CNTN6: variants seen among roughly 807,000 people sequenced by gnomAD.
CNTN6 encodes contactin-6.
In CNTN6, 137 loss-of-function variants were observed where a neutral mutation model predicts 122.8. The ratio of observed to expected loss-of-function variants is 1.12; its 90% CI spans 0.97 to 1.29. The LOEUF (loss-of-function observed/expected upper bound fraction) is 1.29. Among genes scored for constraint, CNTN6 ranks in the 50% most tolerant of loss-of-function variants. The pLI is 0.00. For synonymous variants in CNTN6, 570 were observed against 426.0 expected (o/e 1.34, Z -4.16); for missense variants, 1,634 against 1,223.4 (o/e 1.34, Z -5.01).
intron 7 of CNTN6, among the ~76,000 whole-genome samples, chr3:1,312,469 C>T: frequency 6.6e-6 from 1 of 151,948 alleles, no homozygotes; most frequent in East Asian, 1.9e-4. Context: ...TAAGTTGGAA[C>T]TGGGCTCAGG....
chr3:1,372,364 C>G lies in CNTN6; in HGVS notation c.1558C>G (p.Pro520Ala). 1 of 1,613,406 alleles carries G rather than the reference C, an allele frequency of 6.2e-7. No homozygotes were observed. The change falls in exon 13 of 23, where the codon CCA (proline) becomes GCA (alanine). Residue 520 changes from proline to alanine, a missense_variant. By Grantham distance (27) the Pro-to-Ala change is conservative (BLOSUM62 -1). Coordinates refer to ENST00000446702, the MANE Select transcript of CNTN6 (RefSeq NM_001289080.2). ...TACAGTTGGCGAGAGTATAGTGCTA[C>G]CATGCCAGGTGTCCCATGACCCCTC... The part of the protein sequence containing the change: ...DVTVGESIVL[P>A]CQVSHDPSIE...
At chr3:1,255,775 C>G (rs1304176701) in intron 4 of CNTN6, among the ~76,000 whole-genome samples, 1 of 152,106 alleles carries the variant, frequency 6.6e-6, no homozygotes, top group Non-Finnish European at 1.5e-5. Context: ...TGGGCTCAAG[C>G]AATCGTTTTG....
chr3:1,257,687 T>A (rs1575449734), intron 4 of CNTN6, among the ~76,000 whole-genome samples: 1 of 152,102 alleles, frequency 6.6e-6, no homozygotes, highest in South Asian at 2.1e-4. Context: ...TCCCAATTAC[T>A]CTAAATAATT....
intron 2 of CNTN6, among the ~76,000 whole-genome samples, chr3:1,172,710 G>A (rs187446465): frequency 5.9e-5 from 9 of 151,760 alleles, no homozygotes; most frequent in South Asian, 2.1e-4. Flanking sequence ...ACCAAAATCC[G>A]GAATGAACTA....
intron 21 of CNTN6, 140 bp downstream of exon 21, chr3:1,401,685 GCTTT>G: frequency 3.3e-6 from 2 of 609,656 alleles, no homozygotes; most frequent in South Asian, 2.1e-5. Context: ...TACCATTGCT[GCTTT>G]CTAATTTTCC....
At chr3:1,132,228 A>T (rs1283844076) in intron 1 of CNTN6, among the ~76,000 whole-genome samples, 1 of 152,008 alleles carries the variant, frequency 6.6e-6, no homozygotes, top group African/African-American at 2.4e-5. Context: ...TACTTTTTCA[A>T]ACTCATGTCT....
intron 4 of CNTN6, among the ~76,000 whole-genome samples, chr3:1,258,660 C>T (rs1252524929): frequency 6.6e-6 from 1 of 152,040 alleles, no homozygotes; most frequent in Non-Finnish European, 1.5e-5. Flanking sequence ...TCAACTTTTT[C>T]AACTTTTTCT....
intron 1 of CNTN6, among the ~76,000 whole-genome samples, chr3:1,114,386 TG>T (rs780596946): frequency 5.3e-5 from 8 of 152,196 alleles, no homozygotes; most frequent in Non-Finnish European, 1.2e-4. Context: ...TTTCTGTGTG[TG>T]GCAGAAAAGT....
intron 4 of CNTN6, among the ~76,000 whole-genome samples, chr3:1,274,396 A>G (rs1575512209): frequency 6.6e-6 from 1 of 152,214 alleles, no homozygotes; most frequent in Non-Finnish European, 1.5e-5. Context: ...CTAAATTAGT[A>G]TAAAGCTAAT....
chr3:1,139,456 C>A (rs999777386), intron 1 of CNTN6, among the ~76,000 whole-genome samples: 2 of 152,100 alleles, frequency 1.3e-5, no homozygotes, highest in Admixed American at 1.3e-4. Context: ...AAGAGCCTGA[C>A]CTTCTTGTAC....
intron 1 of CNTN6, among the ~76,000 whole-genome samples, chr3:1,095,732 T>C (rs948394940): frequency 1.1e-4 from 17 of 152,214 alleles, no homozygotes; most frequent in African/African-American, 3.9e-4. Flanking sequence ...TTTATAACCC[T>C]TGTTATGATA....
intron 16 of CNTN6, among the ~76,000 whole-genome samples, chr3:1,375,170 G>A (rs1388114358): frequency 6.6e-6 from 1 of 152,022 alleles, no homozygotes; most frequent in Admixed American, 6.6e-5. Flanking sequence ...AGAATCTTCA[G>A]GTGTTGTCCA....
At chr3:1,269,809 G>A (rs2094992176) in intron 4 of CNTN6, among the ~76,000 whole-genome samples, 1 of 151,846 alleles carries the variant, frequency 6.6e-6, no homozygotes, top group South Asian at 2.1e-4. Context: ...AAAAAAAAAT[G>A]CTTCTCAGTG....
intron 2 of CNTN6, among the ~76,000 whole-genome samples, chr3:1,160,032 G>A (rs2093087689): frequency 6.6e-6 from 1 of 151,940 alleles, no homozygotes; most frequent in Admixed American, 6.6e-5. Flanking sequence ...TGTTGGCCAG[G>A]CTGGTCTTGA....
intron 12 of CNTN6, among the ~76,000 whole-genome samples, chr3:1,353,789 TGTG>T (rs1456605514): frequency 6.6e-6 from 1 of 151,616 alleles, no homozygotes; most frequent in African/African-American, 2.4e-5. Context: ...AAGATTAAAA[TGTG>T]GTGAAGGATA....
intron 4 of CNTN6, among the ~76,000 whole-genome samples, chr3:1,278,113 G>A (rs562892712): frequency 1.3e-5 from 2 of 152,296 alleles, no homozygotes; most frequent in Admixed American, 1.3e-4. Flanking sequence ...GACAGACAAA[G>A]TAAATATGTG....
At chr3:1,252,104 A>G (rs2094681474) in intron 4 of CNTN6, among the ~76,000 whole-genome samples, 1 of 152,174 alleles carries the variant, frequency 6.6e-6, no homozygotes, top group Admixed American at 6.6e-5. Flanking sequence ...GTTTTGCTAC[A>G]AAGTCCTGAA....
intron 1 of CNTN6, among the ~76,000 whole-genome samples, chr3:1,143,379 A>G (rs919357917): frequency 3.3e-5 from 5 of 152,108 alleles, no homozygotes; most frequent in African/African-American, 9.7e-5. Context: ...ACCTCATCTA[A>G]AACAAAATGC....
At chr3:1,222,031 G>A (rs897531992) in intron 3 of CNTN6, among the ~76,000 whole-genome samples, 2 of 152,178 alleles carry the variant, frequency 1.3e-5, no homozygotes, top group Admixed American at 1.3e-4. Context: ...TTAGCTAAAT[G>A]ACTTCAAAGC....
Sources: allele counts gnomAD v4.1 joint callset (sites outside exome capture counted in the v4.1 genomes callset), GRCh38; gene constraint gnomAD v4.1.1; transcripts MANE v1.5; gene names NCBI Gene and HGNC (gene_info 2026-07-23, HGNC 2026-07-21).